Variants in CNTN6 observed in about 807,000 individuals in gnomAD.
CNTN6 encodes contactin 6, also known as contactin-6.
Under a neutral mutation model 122.8 loss-of-function variants are expected in CNTN6, and 137 were observed. The observed-to-expected ratio is 1.12, with a 90% CI of 0.97 to 1.29. CNTN6 has a LOEUF of 1.29. CNTN6 is among the 50% of genes most tolerant of loss of function. The pLI is 0.00. For synonymous variants in CNTN6, 570 were observed against 426.0 expected (o/e 1.34, Z -4.16); for missense variants, 1,634 against 1,223.4 (o/e 1.34, Z -5.01).
intron 17 of CNTN6, 88 bp from the exon 18 acceptor site, chr3:1,382,854 G>A (rs865942586): frequency 2.9e-5 from 26 of 886,328 alleles, no homozygotes; most frequent in Middle Eastern, 6.9e-4. Flanking sequence ...TGTCTCTATG[G>A]AAGAAATGTG....
intron 4 of CNTN6, among the ~76,000 whole-genome samples, chr3:1,276,414 C>T (rs2125780308): frequency 6.6e-6 from 1 of 152,244 alleles, no homozygotes; most frequent in South Asian, 2.1e-4. Context: ...AGGTATGATT[C>T]AACGATGTGC....
chr3:1,324,287 G>T (rs978039868), intron 8 of CNTN6, among the ~76,000 whole-genome samples: 2 of 147,614 alleles, frequency 1.4e-5, no homozygotes, highest in Non-Finnish European at 1.5e-5. Flanking sequence ...GGCAGGTTGT[G>T]CAGTAGAAAA....
chr3:1,218,576 G>A (rs4684830), intron 2 of CNTN6, among the ~76,000 whole-genome samples: 25,903 of 152,024 alleles, frequency 0.17, 3,060 homozygotes, highest in African/African-American at 0.34. Flanking sequence ...CGCTGACAGT[G>A]ATACGAGACT....
At chr3:1,349,606 C>T (rs1705312039) in intron 11 of CNTN6, among the ~76,000 whole-genome samples, 1 of 151,804 alleles carries the variant, frequency 6.6e-6, no homozygotes, top group South Asian at 2.1e-4. Flanking sequence ...TGCATTTTGC[C>T]TTATCTGAAA....
At chr3:1,328,331 A>G (rs1339768983) in intron 10 of CNTN6, among the ~76,000 whole-genome samples, 2 of 151,816 alleles carry the variant, frequency 1.3e-5, no homozygotes, top group African/African-American at 4.8e-5. Flanking sequence ...ACAATAAATG[A>G]CGCGTTGATA....
At chr3:1,182,266 A>T (rs2093565896) in intron 2 of CNTN6, among the ~76,000 whole-genome samples, 2 of 152,052 alleles carry the variant, frequency 1.3e-5, no homozygotes, top group African/African-American at 4.8e-5. Context: ...TAGTAACTTT[A>T]TTTCCCCACT....
At chr3:1,372,674 A>T (rs1015256023) in intron 13 of CNTN6, among the ~76,000 whole-genome samples, 164 bp from the exon 14 acceptor site, 4 of 152,156 alleles carry the variant, frequency 2.6e-5, no homozygotes, top group Non-Finnish European at 4.4e-5. Context: ...TAATTATAAT[A>T]AGGGGGATAA....
chr3:1,371,626 T>C (rs1378965075), intron 12 of CNTN6, among the ~76,000 whole-genome samples: 1 of 152,064 alleles, frequency 6.6e-6, no homozygotes, highest in African/African-American at 2.4e-5. Context: ...CTTTGAAATT[T>C]TGGTCAATGA....
chr3:1,336,852 A>G (rs1575757941), intron 11 of CNTN6, among the ~76,000 whole-genome samples: 4 of 152,178 alleles, frequency 2.6e-5, no homozygotes, highest in Admixed American at 2.6e-4. Flanking sequence ...TGGACACTAT[A>G]TTCCATTGTG....
At chr3:1,190,288 C>G (rs1235694539) in intron 2 of CNTN6, among the ~76,000 whole-genome samples, 1 of 152,156 alleles carries the variant, frequency 6.6e-6, no homozygotes, top group African/African-American at 2.4e-5. Context: ...CCTAAAGTCC[C>G]CACCTCCAAA....
intron 2 of CNTN6, among the ~76,000 whole-genome samples, chr3:1,175,206 G>A (rs62229391): frequency 0.1 from 12,805 of 125,420 alleles, 745 homozygotes; most frequent in Middle Eastern, 0.24. Context: ...CTGGGCAAGA[G>A]AGTGAGACTT....
chr3:1,334,601 G>T (rs1203345785), intron 11 of CNTN6, among the ~76,000 whole-genome samples: 1 of 152,034 alleles, frequency 6.6e-6, no homozygotes, highest in Non-Finnish European at 1.5e-5. Flanking sequence ...GGGTGACCAG[G>T]TGACTGAGCC....
chr3:1,108,380 G>C (rs961271407), intron 1 of CNTN6, among the ~76,000 whole-genome samples: 1 of 151,916 alleles, frequency 6.6e-6, no homozygotes, highest in Non-Finnish European at 1.5e-5. Context: ...CATATAACCT[G>C]AATGCATTTC....
intron 2 of CNTN6, among the ~76,000 whole-genome samples, chr3:1,204,294 A>T (rs533874806): frequency 3.9e-5 from 6 of 152,278 alleles, no homozygotes; most frequent in African/African-American, 1.4e-4. Flanking sequence ...AGACATTTTT[A>T]AAAAACGCTT....
intron 5 of CNTN6, among the ~76,000 whole-genome samples, chr3:1,280,654 G>A (rs568843793): frequency 3.3e-5 from 5 of 151,416 alleles, no homozygotes; most frequent in African/African-American, 9.7e-5. Flanking sequence ...TAGTAGAGAC[G>A]GGTTTTCGCC....
At chr3:1,227,403 T>C (rs1264671512) in intron 3 of CNTN6, among the ~76,000 whole-genome samples, 2 of 152,242 alleles carry the variant, frequency 1.3e-5, no homozygotes, top group African/African-American at 4.8e-5. Flanking sequence ...CCGCTTTCAA[T>C]ATACGCTTCT....
chr3:1,130,721 A>G (rs952628299), intron 1 of CNTN6, among the ~76,000 whole-genome samples: 6 of 152,274 alleles, frequency 3.9e-5, no homozygotes, highest in Admixed American at 3.3e-4. Flanking sequence ...GGGATCTCAA[A>G]TGAAGACAAC....
At chr3:1,387,582 G>T (rs141559726) in intron 20 of CNTN6, among the ~76,000 whole-genome samples, 1 of 151,980 alleles carries the variant, frequency 6.6e-6, no homozygotes, top group Non-Finnish European at 1.5e-5. Flanking sequence ...CAAGATGGCC[G>T]AATAGGAACA....
At chr3:1,106,315 ACTT>A (rs771048464) in intron 1 of CNTN6, among the ~76,000 whole-genome samples, 1 of 152,174 alleles carries the variant, frequency 6.6e-6, no homozygotes, top group African/African-American at 2.4e-5. Flanking sequence ...ACAAGAAAGA[ACTT>A]CTTATTTTTG....
Sources: gnomAD v4.1 joint callset for allele counts (sites outside exome capture counted in the v4.1 genomes callset) on GRCh38, gnomAD v4.1.1 for gene constraint, MANE v1.5 for transcripts, NCBI Gene and HGNC (gene_info 2026-07-23, HGNC 2026-07-21) for gene names.